CHRM3: variants seen among roughly 807,000 people sequenced by gnomAD.
The protein encoded by CHRM3 is cholinergic receptor muscarinic 3.
Under a neutral mutation model 41.8 loss-of-function variants are expected in CHRM3, and 11 were observed. The ratio of observed to expected loss-of-function variants is 0.26; its 90% CI spans 0.17 to 0.44. The LOEUF is 0.44. Ranked by LOEUF, CHRM3 falls within the 20% of genes least tolerant of loss-of-function variation. The pLI, the probability that CHRM3 is intolerant of heterozygous loss-of-function variation, is 1.00. For synonymous variants in CHRM3, 297 were observed against 301.4 expected, an observed-to-expected ratio of 0.99 and a Z score of 0.15; for missense variants, 571 against 745.4, an observed-to-expected ratio of 0.77 and a Z score of 2.72.
chr1:239,820,842 A>T (rs1160558054), intron 5 of CHRM3, among the ~76,000 whole-genome samples: 1 of 152,212 alleles, frequency 6.6e-6, no homozygotes, highest in Non-Finnish European at 1.5e-5. Context: ...ATTACCACAT[A>T]TACCCCCCAA....
chr1:239,435,233 C>T (rs572061637), intron 1 of CHRM3, among the ~76,000 whole-genome samples: 1 of 152,138 alleles, frequency 6.6e-6, no homozygotes, highest in East Asian at 1.9e-4. Flanking sequence ...GGGCGGATCA[C>T]GAGGTCAGGA....
chr1:239,559,794 G>A (rs528311964), intron 3 of CHRM3, among the ~76,000 whole-genome samples: 229 of 152,242 alleles, frequency 1.5e-3, no homozygotes, highest in African/African-American at 5.2e-3. Flanking sequence ...TGGAGTTATG[G>A]AATTAATGCC....
At chr1:239,523,854 G>A (rs2148283198) in intron 2 of CHRM3, among the ~76,000 whole-genome samples, 1 of 152,064 alleles carries the variant, frequency 6.6e-6, no homozygotes, top group Non-Finnish European at 1.5e-5. Context: ...GTAGTACAGA[G>A]GTTACAATCA....
At chr1:239,739,003 G>C (rs192017152) in intron 5 of CHRM3, among the ~76,000 whole-genome samples, 7 of 152,246 alleles carry the variant, frequency 4.6e-5, no homozygotes, top group Admixed American at 4.6e-4. Flanking sequence ...GTCCCTACCT[G>C]TTTCCATAGA....
At chr1:239,806,203 A>G (rs1383394571) in intron 5 of CHRM3, among the ~76,000 whole-genome samples, 9 of 152,218 alleles carry the variant, frequency 5.9e-5, no homozygotes, top group Admixed American at 5.9e-4. Flanking sequence ...AACAACTGAA[A>G]AACCTCAGAA....
chr1:239,754,334 G>A (rs960530394), intron 5 of CHRM3, among the ~76,000 whole-genome samples: 4 of 152,184 alleles, frequency 2.6e-5, no homozygotes, highest in Non-Finnish European at 5.9e-5. Context: ...ATCAGTGCTA[G>A]CTTTATTTTA....
intron 1 of CHRM3, among the ~76,000 whole-genome samples, chr1:239,483,740 TAAAGTAGAGA>T (rs1289871790): frequency 9.2e-5 from 14 of 152,218 alleles, no homozygotes; most frequent in Admixed American, 2.6e-4. Context: ...GTGGTGTTAA[TAAAGTAGAGA>T]CAAATTATGA....
chr1:239,664,656 G>A (rs1196077863), intron 4 of CHRM3, among the ~76,000 whole-genome samples: 2 of 152,078 alleles, frequency 1.3e-5, no homozygotes, highest in South Asian at 2.1e-4. Context: ...TCCCTCCCTG[G>A]GTAGCACCCT....
At chr1:239,427,026 C>T (rs573223567) in intron 1 of CHRM3, among the ~76,000 whole-genome samples, 1 of 152,058 alleles carries the variant, frequency 6.6e-6, no homozygotes, top group African/African-American at 2.4e-5. Context: ...AGGAGGTGGG[C>T]TCCATTTGAG....
At chr1:239,649,096 A>G (rs1672011197) in intron 4 of CHRM3, among the ~76,000 whole-genome samples, 1 of 152,162 alleles carries the variant, frequency 6.6e-6, no homozygotes, top group African/African-American at 2.4e-5. Context: ...GTTTGCAGCC[A>G]TAGGTGCTAT....
intron 1 of CHRM3, among the ~76,000 whole-genome samples, chr1:239,471,527 G>T (rs1308585491): frequency 6.6e-6 from 1 of 152,192 alleles, no homozygotes; most frequent in African/African-American, 2.4e-5. Context: ...CGAAAGACTG[G>T]CACTTTTATG....
intron 5 of CHRM3, among the ~76,000 whole-genome samples, chr1:239,752,991 A>T (rs1426406019): frequency 1.3e-5 from 2 of 152,206 alleles, no homozygotes; most frequent in Non-Finnish European, 2.9e-5. Context: ...CAATTTTTTT[A>T]AATTTCTCTC....
At position 239,780,623 on chromosome 1, in the gene CHRM3, G is replaced by A. The variant is rs938463601; in HGVS notation, c.-146-46629G>A. Among the ~76,000 whole-genome samples, 6 of 152,070 alleles carry A rather than the reference G, an allele frequency of 3.9e-5. No individual in the cohort carries two copies. The East Asian group carries it at 5.8e-4, about 15-fold the overall frequency. ...AGAGAAGACATTTTAATGAAGTCCC[G>A]CTTATCAATTATTTCTTTCATGAAT... On this transcript the variant is annotated intron_variant, in intron 5 of 6. Coordinates refer to ENST00000676153, the MANE Select transcript of CHRM3 (RefSeq NM_001375978.1).
At chr1:239,806,528 A>T (rs1470377433) in intron 5 of CHRM3, among the ~76,000 whole-genome samples, 4 of 152,154 alleles carry the variant, frequency 2.6e-5, no homozygotes, top group Non-Finnish European at 4.4e-5. Flanking sequence ...TGACTGCAGG[A>T]ATTAAATGGA....
At chr1:239,891,139 G>A (rs1452940996) in intron 6 of CHRM3, among the ~76,000 whole-genome samples, 1 of 152,124 alleles carries the variant, frequency 6.6e-6, no homozygotes, top group Non-Finnish European at 1.5e-5. Context: ...AAGCCTAGAG[G>A]TGGGTGGGGA....
intron 5 of CHRM3, among the ~76,000 whole-genome samples, chr1:239,785,613 AT>A (rs1282368298): frequency 6.6e-6 from 1 of 151,848 alleles, no homozygotes; most frequent in African/African-American, 2.4e-5. Flanking sequence ...TTCTTTCTTT[AT>A]TTTAATGTCT....
At chr1:239,564,966 G>A (rs139035670) in intron 3 of CHRM3, among the ~76,000 whole-genome samples, 3 of 152,148 alleles carry the variant, frequency 2.0e-5, no homozygotes, top group African/African-American at 4.8e-5. Context: ...TGCTGTCCCC[G>A]GAGGCTCCAG....
chr1:239,604,594 G>T (rs1321700197), intron 3 of CHRM3, among the ~76,000 whole-genome samples: 3 of 152,184 alleles, frequency 2.0e-5, no homozygotes, highest in Non-Finnish European at 1.5e-5. Context: ...GTGTTGGGTG[G>T]CAACTGCCCT....
chr1:239,666,519 A>G (rs1673822208), intron 4 of CHRM3, among the ~76,000 whole-genome samples: 2 of 151,980 alleles, frequency 1.3e-5, no homozygotes, highest in Non-Finnish European at 2.9e-5. Context: ...CAGTGCCATC[A>G]ATAATATCTC....
Sources: allele counts gnomAD v4.1 joint callset (sites outside exome capture counted in the v4.1 genomes callset), GRCh38; gene constraint gnomAD v4.1.1; transcripts MANE v1.5; gene names NCBI Gene and HGNC (gene_info 2026-07-23, HGNC 2026-07-21).